GRID2: variants seen among roughly 807,000 people sequenced by gnomAD.
GRID2 encodes the protein glutamate ionotropic receptor delta type subunit 2.
Under a neutral mutation model 114.8 loss-of-function variants are expected in GRID2, and 33 were observed. The observed-to-expected ratio is 0.29, with a 90% CI of 0.22 to 0.38. The LOEUF is 0.38. Among genes scored for constraint, GRID2 ranks in the 10% least tolerant of loss-of-function variants. The pLI is 1.00. For missense variants in GRID2, 1,184 were observed against 1,257.7 expected (o/e 0.94, Z 0.89); for synonymous variants, 505 against 449.9 (o/e 1.12, Z -1.55).
intron 8 of GRID2, among the ~76,000 whole-genome samples, chr4:93,383,312 C>G (rs558008950): frequency 6.6e-6 from 1 of 152,266 alleles, no homozygotes; most frequent in African/African-American, 2.4e-5. Context: ...TATAACATTC[C>G]TTTTGCCCAT....
At chr4:93,367,363 T>A (rs1404028562) in intron 8 of GRID2, among the ~76,000 whole-genome samples, 2 of 152,066 alleles carry the variant, frequency 1.3e-5, no homozygotes, top group Admixed American at 1.3e-4. Flanking sequence ...TGGCTTAAAT[T>A]TAATACATTT....
chr4:92,796,916 T>C (rs1207535942), intron 2 of GRID2, among the ~76,000 whole-genome samples: 2 of 151,926 alleles, frequency 1.3e-5, no homozygotes, highest in Non-Finnish European at 2.9e-5. Flanking sequence ...AAAGCTATAT[T>C]TTTCATACAA....
intron 14 of GRID2, among the ~76,000 whole-genome samples, chr4:93,669,646 A>G (rs1407889163): frequency 6.6e-6 from 1 of 152,136 alleles, no homozygotes; most frequent in Non-Finnish European, 1.5e-5. Context: ...TCCCTTGCAT[A>G]ATATTCACGC....
chr4:92,437,071 T>C (rs972387721), intron 1 of GRID2, among the ~76,000 whole-genome samples: 1 of 152,190 alleles, frequency 6.6e-6, no homozygotes, highest in African/African-American at 2.4e-5. Context: ...TTCTAGTTAA[T>C]TTATAAGTTA....
intron 4 of GRID2, among the ~76,000 whole-genome samples, chr4:93,124,084 T>C (rs1734045566): frequency 7.1e-6 from 1 of 139,888 alleles, no homozygotes; most frequent in Non-Finnish European, 1.5e-5. Flanking sequence ...TGTGCACATG[T>C]ACCCTAAAAC....
At chr4:92,658,791 GTGTA>G (rs1237423493) in intron 2 of GRID2, among the ~76,000 whole-genome samples, 3,954 of 111,008 alleles carry the variant, frequency 0.036, 173 homozygotes, top group African/African-American at 0.11. Context: ...GTGTGTGTGT[GTGTA>G]TATATATATA....
chr4:93,714,530 T>G (rs138352357), intron 14 of GRID2, among the ~76,000 whole-genome samples: 6,413 of 152,272 alleles, frequency 0.042, 219 homozygotes, highest in African/African-American at 0.084. Context: ...TCTTCCACAA[T>G]GGTTGAACTA....
chr4:93,036,964 A>G (rs1329477514), intron 2 of GRID2, among the ~76,000 whole-genome samples: 3 of 152,208 alleles, frequency 2.0e-5, no homozygotes, highest in African/African-American at 7.2e-5. Flanking sequence ...ACGTTAGGAA[A>G]GGTACAAAGC....
intron 13 of GRID2, among the ~76,000 whole-genome samples, chr4:93,577,028 G>A (rs1474139402): frequency 5.9e-5 from 9 of 152,122 alleles, no homozygotes; most frequent in African/African-American, 1.9e-4. Flanking sequence ...TAATATAACA[G>A]GAAAATTATA....
At chr4:92,349,547 A>G (rs1479561004) in intron 1 of GRID2, among the ~76,000 whole-genome samples, 1 of 151,646 alleles carries the variant, frequency 6.6e-6, no homozygotes, top group Non-Finnish European at 1.5e-5. Flanking sequence ...TTTTATTTAA[A>G]ACATATTTTA....
chr4:92,868,361 G>C (rs1014755503), intron 2 of GRID2, among the ~76,000 whole-genome samples: 2 of 151,974 alleles, frequency 1.3e-5, no homozygotes, highest in Non-Finnish European at 2.9e-5. Flanking sequence ...CAAACCTGAA[G>C]CATATTAAGC....
At chr4:93,522,021 G>A (rs1264044555) in intron 13 of GRID2, among the ~76,000 whole-genome samples, 2 of 152,138 alleles carry the variant, frequency 1.3e-5, no homozygotes, top group African/African-American at 4.8e-5. Context: ...ATGCAATAAA[G>A]AGAAGGAAAC....
At chr4:93,464,874 T>G (rs999508198) in intron 11 of GRID2, among the ~76,000 whole-genome samples, 13 of 152,220 alleles carry the variant, frequency 8.5e-5, no homozygotes, top group Non-Finnish European at 1.8e-4. Context: ...GTATTCTATC[T>G]GCTTCAGTTG....
intron 1 of GRID2, among the ~76,000 whole-genome samples, chr4:92,354,180 T>C (rs79056945): frequency 6.6e-6 from 1 of 151,988 alleles, no homozygotes; most frequent in Non-Finnish European, 1.5e-5. Context: ...TGGGCTAATA[T>C]CTTCAAGACT....
chr4:92,717,143 G>A (rs1057451546), intron 2 of GRID2, among the ~76,000 whole-genome samples: 4 of 152,166 alleles, frequency 2.6e-5, no homozygotes, highest in African/African-American at 9.7e-5. Flanking sequence ...AAGAGAGGCA[G>A]AGGCAGAACA....
chr4:93,746,613 G>T (rs959663871), intron 14 of GRID2, among the ~76,000 whole-genome samples: 3 of 152,022 alleles, frequency 2.0e-5, no homozygotes, highest in African/African-American at 7.2e-5. Context: ...CAAAATGCAA[G>T]AAAGTACAAA....
At chr4:92,995,742 A>C (rs868263853) in intron 2 of GRID2, among the ~76,000 whole-genome samples, 5 of 152,278 alleles carry the variant, frequency 3.3e-5, no homozygotes, top group South Asian at 2.1e-4. Flanking sequence ...CAGTATGCCA[A>C]AATATCTGGG....
chr4:92,658,818 T>TATATATAC (rs1177514487), intron 2 of GRID2, among the ~76,000 whole-genome samples: 13 of 60,482 alleles, frequency 2.1e-4, no homozygotes, highest in African/African-American at 6.3e-4. Context: ...TATATATATA[T>TATATATAC]ACACACACAC....
At chr4:93,145,641 T>A (rs577538685) in intron 4 of GRID2, among the ~76,000 whole-genome samples, 18 of 139,906 alleles carry the variant, frequency 1.3e-4, no homozygotes, top group Non-Finnish European at 1.8e-4. Context: ...TATTTCTTTT[T>A]TCCTTTTTTT....
Sources: allele counts gnomAD v4.1 joint callset (sites outside exome capture counted in the v4.1 genomes callset), GRCh38; gene constraint gnomAD v4.1.1; transcripts MANE v1.5; gene names NCBI Gene and HGNC (gene_info 2026-07-23, HGNC 2026-07-21).